AXIN2: variants seen among roughly 807,000 people sequenced by gnomAD.
AXIN2 encodes axin-2.
Under a neutral mutation model 74.7 loss-of-function variants are expected in AXIN2, and 21 were observed. The observed-to-expected ratio is 0.28, with a 90% confidence interval of 0.20 to 0.40. AXIN2 has a LOEUF of 0.40. Among genes scored for constraint, AXIN2 ranks in the 10% least tolerant of loss-of-function variants. AXIN2 has a pLI of 1.00. For synonymous variants in AXIN2, 532 were observed against 454.9 expected (o/e 1.17, Z -2.16); for missense variants, 1,144 against 1,111.1 (o/e 1.03, Z -0.42).
chr17:65,546,535 C>T (rs2044121911), intron 3 of AXIN2, among the ~76,000 whole-genome samples: 1 of 152,166 alleles, frequency 6.6e-6, no homozygotes, highest in South Asian at 2.1e-4. Context: ...CAGCTTGAGT[C>T]AGTGCCAACA....
At chr17:65,559,632 G>A (rs1206835838) in intron 1 of AXIN2, 2 of 152,184 alleles carry the variant, frequency 1.3e-5, no homozygotes, top group Non-Finnish European at 2.9e-5. Context: ...TGGATCACCA[G>A]CCGTCTCACG....
At chr17:65,549,732 G>T (rs1171284631) in intron 2 of AXIN2, 72 bp from the exon 3 acceptor site, 5 of 1,541,012 alleles carry the variant, frequency 3.2e-6, no homozygotes, top group Non-Finnish European at 4.4e-6. Flanking sequence ...GTGACCCCAG[G>T]ACAACCCAGC....
intron 3 of AXIN2, among the ~76,000 whole-genome samples, chr17:65,549,037 C>T (rs1229050810): frequency 6.6e-6 from 1 of 152,112 alleles, no homozygotes; most frequent in Admixed American, 6.5e-5. Context: ...AGATTTCTGG[C>T]TTTCTCACCC....
rs1293302547 is a variant in AXIN2 at position 65,558,210 on chromosome 17, C to T, written c.411G>A (p.Arg137=). 2 of 1,613,958 alleles carry T rather than the reference C, an allele frequency of 1.2e-6. No individual in the cohort carries two copies. Among genetic ancestry groups the T allele is most frequent in the African/African-American group, 1.3e-5 (1 of 74,894 alleles). ...AGACAATGCTGTTGTTCTCAATGTA[C>T]CTTTTGTAGATCGCTTTGGCTACTC... The part of the protein sequence containing the change: ...TLRVAKAIYK[R]YIENNSIVSK... The change falls in exon 2 of 11, where the codon AGG becomes AGA. Residue 137 remains arginine, a synonymous_variant. Transcript: ENST00000307078.
chr17:65,531,431 G>A (rs371822463), intron 10 of AXIN2, among the ~76,000 whole-genome samples: 13 of 152,026 alleles, frequency 8.6e-5, no homozygotes, highest in African/African-American at 3.1e-4. Flanking sequence ...TCTCGGGGGA[G>A]CGTGAGAGGA....
Position 65,537,505 on chromosome 17 carries a change from T to C in AXIN2, c.1531A>G (p.Thr511Ala), listed in dbSNP as rs376936740. 3 of 1,613,690 alleles carry C rather than the reference T, an allele frequency of 1.9e-6. No homozygotes were observed. Among genetic ancestry groups the C allele is most frequent in the Non-Finnish European group, 2.5e-6 (3 of 1,179,964 alleles). The change falls in exon 6 of 11, where the codon ACG becomes GCG. Residue 511 changes from threonine (T) to alanine (A), a missense_variant. Thr to Ala is a moderately conservative substitution (Grantham distance 58). Around this residue, in one of 4 missense-constraint regions of AXIN2, gnomAD observed 1,053 missense variants for 973.5 expected, o/e 1.08. Coordinates refer to ENST00000307078, the MANE Select transcript of AXIN2 (RefSeq NM_004655.4). ...GGKGFVTKQT[T>A]KHVHHHYIHH... ...ATGTAGTGGTGGTGGACATGCTTCGTCGTCTGCTTGGTCACAAAGCCTTTG... is the reference window on the plus strand; with the variant it reads ...ATGTAGTGGTGGTGGACATGCTTCGCCGTCTGCTTGGTCACAAAGCCTTTG...
At chr17:65,537,224 A>G in intron 6 of AXIN2, 100 bp downstream of exon 6, 2 of 1,582,742 alleles carry the variant, frequency 1.3e-6, no homozygotes, top group South Asian at 2.2e-5. Context: ...GCCCTCTTAG[A>G]AACTAAATGC....
intron 1 of AXIN2, among the ~76,000 whole-genome samples, chr17:65,559,162 G>A (rs867685726): frequency 2.0e-5 from 3 of 151,604 alleles, no homozygotes; most frequent in African/African-American, 7.3e-5. Flanking sequence ...ACTCCCAGCC[G>A]CTAGGCTGTG....
At position 65,549,630 on chromosome 17, in the gene AXIN2, A is replaced by T; in HGVS notation, c.846T>A (p.Pro282=). The T allele has an allele frequency of 6.2e-7, 1 of 1,603,474 alleles. No homozygotes were observed. Among genetic ancestry groups the T allele is most frequent in the Non-Finnish European group, 8.5e-7 (1 of 1,174,604 alleles). Reference sequence around the variant, plus strand: ...AGACATAGCCAGAACCTATGTGATAAGGATTAACAGGATCGCTCCTCTTGA... The same window carrying T: ...AGACATAGCCAGAACCTATGTGATATGGATTAACAGGATCGCTCCTCTTGA... ...RSFKRSDPVN[P]YHIGSGYVFA... is the part of the protein sequence containing the mutation. Residue 282 remains proline, a synonymous_variant, in exon 3 of 11, where the codon CCT becomes CCA. Coordinates refer to ENST00000307078, the MANE Select transcript of AXIN2 (RefSeq NM_004655.4).
Position 65,536,284 on chromosome 17 carries a change from C to G in AXIN2, c.2141+36G>C, listed in dbSNP as rs1281436962. On this transcript the variant is annotated intron_variant, in intron 8 of 10. Coordinates refer to ENST00000307078, the MANE Select transcript of AXIN2 (RefSeq NM_004655.4). ...GACCAGGTCTCCACCCAAACCCAAT[C>G]CCTGCCTCAACCTAGGACCCTTCAC... is the stretch of plus-strand genomic sequence containing the variant. 3.2e-6 allele frequency: 5 copies of G among 1,568,224 alleles called. No homozygotes were observed. In the East Asian group the frequency reaches 9.2e-5, roughly 29 times the overall value.
At chr17:65,556,650 C>A (rs2044271041) in intron 2 of AXIN2, among the ~76,000 whole-genome samples, 1 of 152,158 alleles carries the variant, frequency 6.6e-6, no homozygotes, top group Non-Finnish European at 1.5e-5. Context: ...AAATCATGGC[C>A]CGCTAGGCTC....
intron 3 of AXIN2, among the ~76,000 whole-genome samples, chr17:65,543,457 C>T (rs1290624888): frequency 1.3e-5 from 2 of 152,214 alleles, no homozygotes; most frequent in Non-Finnish European, 2.9e-5. Flanking sequence ...CTGATGCCAA[C>T]CTGAGAATGC....
chr17:65,544,830 C>G (rs2044095350), intron 3 of AXIN2, among the ~76,000 whole-genome samples: 2 of 152,166 alleles, frequency 1.3e-5, no homozygotes, highest in Admixed American at 6.5e-5. Context: ...CCACCGTGCC[C>G]GACCTAACCT....
chr17:65,548,063 T>C (rs1280312379), intron 3 of AXIN2, among the ~76,000 whole-genome samples: 1 of 152,236 alleles, frequency 6.6e-6, no homozygotes, highest in Non-Finnish European at 1.5e-5. Flanking sequence ...TTTTCAAGTA[T>C]GGATACCGAA....
chr17:65,538,483 C>A, intron 4 of AXIN2, 140 bp from the exon 5 acceptor site: 1 of 1,109,028 alleles, frequency 9.0e-7, no homozygotes, highest in South Asian at 1.6e-5. Flanking sequence ...GCGGCCTGGG[C>A]TGCTCGGGAC....
Position 65,535,656 on chromosome 17 carries a change from G to A in AXIN2, c.2207C>T (p.Pro736Leu), listed in dbSNP as rs778332146. The A allele has an allele frequency of 8.7e-6, 14 of 1,614,066 alleles. No individual in the cohort carries two copies. The highest frequency in any genetic ancestry group is 7.7e-5 in the South Asian group (7 of 91,088). ...TGGAGCCAGGCTTGGATTGGAGAAG[G>A]GTGTGGCTCCCGTCTGAACAGTGGC... is the stretch of plus-strand genomic sequence containing the variant. ...HSATVQTGAT[P>L]FSNPSLAPED... The change falls in exon 9 of 11, where the codon CCC becomes CTC. Residue 736 changes from proline to leucine, a missense_variant. Pro to Leu is a moderately conservative substitution (Grantham distance 98, BLOSUM62 -3). This residue lies in a region of AXIN2 where 1,053 missense variants were observed against 973.5 expected (regional missense o/e 1.08). Transcript: ENST00000307078.
intron 3 of AXIN2, among the ~76,000 whole-genome samples, chr17:65,542,039 A>G (rs984421141): frequency 2.0e-5 from 3 of 152,228 alleles, no homozygotes; most frequent in African/African-American, 7.2e-5. Flanking sequence ...GGGCTAAATC[A>G]GGCATTAGTG....
At chr17:65,557,599 C>T (rs1425635032) in intron 2 of AXIN2, among the ~76,000 whole-genome samples, 1 of 152,226 alleles carries the variant, frequency 6.6e-6, no homozygotes, top group Non-Finnish European at 1.5e-5. Context: ...TTGAAGTCAG[C>T]ACTGGAAGAC....
At position 65,536,413 on chromosome 17, in the gene AXIN2, G is replaced by A. The variant is rs1555577092; in HGVS notation, c.2048C>T (p.Pro683Leu). The change falls in exon 8 of 11, where the codon CCT becomes CTT. Residue 683 changes from proline to leucine, a missense_variant. By Grantham distance (98) the Pro-to-Leu change is moderately conservative. Coordinates refer to ENST00000307078, the MANE Select transcript of AXIN2 (RefSeq NM_004655.4). ...GGGTGGGGTCAGGGGAGGCATCGCA[G>A]GGTCCTGGGTGAACAGGTGGGCACG... The part of the protein sequence containing the change: ...TPRAHLFTQD[P>L]AMPPLTPPNT... 1.2e-6 allele frequency: 2 copies of A among 1,613,826 alleles called. No homozygotes were observed. The highest frequency in any genetic ancestry group is 1.7e-5 in the Admixed American group (1 of 60,010).
Sources: gnomAD v4.1 joint callset for allele counts (sites outside exome capture counted in the v4.1 genomes callset) on GRCh38, gnomAD v4.1.1 for gene constraint, gnomAD v4.1.1 regional missense constraint, MANE v1.5 for transcripts, NCBI Gene and HGNC (gene_info 2026-07-23, HGNC 2026-07-21) for gene names.